The following TSPAN11 variants were observed in gnomAD, a reference collection of about 807,000 sequenced individuals.
TSPAN11 encodes the protein tetraspanin-11.
In TSPAN11, 29 loss-of-function variants were observed where a neutral mutation model predicts 32.9. The ratio of observed to expected loss-of-function variants is 0.88; its 90% CI spans 0.66 to 1.20. TSPAN11 has a LOEUF of 1.20. TSPAN11 is among the 50% of genes most tolerant of loss of function. TSPAN11 has a pLI of 0.00. For missense variants in TSPAN11, 283 were observed against 329.1 expected (o/e 0.86, Z 1.08); for synonymous variants, 140 against 141.3 (o/e 0.99, Z 0.07).
chr12:30,989,214 T>C (rs759994782), intron 7 of TSPAN11, among the ~76,000 whole-genome samples: 1 of 152,194 alleles, frequency 6.6e-6, no homozygotes, highest in Admixed American at 6.5e-5. Context: ...GGTGCTGTGT[T>C]AGCAGGAGTC....
chr12:31,013,341 C>T, the TSPAN11 span, among the ~76,000 whole-genome samples: 2 of 152,030 alleles, frequency 1.3e-5, no homozygotes, highest in Non-Finnish European at 2.9e-5. Context: ...CACCTATAAT[C>T]CCAGAAGTTT....
chr12:30,970,212 C>T (rs1393734262), intron 3 of TSPAN11, among the ~76,000 whole-genome samples: 2 of 152,212 alleles, frequency 1.3e-5, no homozygotes, highest in African/African-American at 2.4e-5. Flanking sequence ...GTTCCCTGTG[C>T]CGTGTCTCCC....
chr12:30,990,603 G>A (rs1184357869), intron 7 of TSPAN11, among the ~76,000 whole-genome samples: 1 of 152,210 alleles, frequency 6.6e-6, no homozygotes, highest in African/African-American at 2.4e-5. Context: ...CTGTCCTCCA[G>A]GTTGGGAGGG....
At chr12:31,004,569 C>T in the TSPAN11 span, among the ~76,000 whole-genome samples, 1 of 152,108 alleles carries the variant, frequency 6.6e-6, no homozygotes, top group Non-Finnish European at 1.5e-5. Flanking sequence ...GGTCCTCTGT[C>T]GCTGTCTGAG....
chr12:30,966,281 AC>A (rs927689994), intron 3 of TSPAN11, among the ~76,000 whole-genome samples: 16 of 152,136 alleles, frequency 1.1e-4, no homozygotes, highest in African/African-American at 3.9e-4. Context: ...TTTGAATGTC[AC>A]TAGGTCACAG....
At position 30,993,780 on chromosome 12, in the gene TSPAN11, GA is replaced by G. The variant is rs1295136598; in HGVS notation, c.*1866del. The G allele has an allele frequency of 6.6e-6, 1 of 152,330 alleles. No homozygotes were observed. Among genetic ancestry groups the G allele is most frequent in the Non-Finnish European group, 1.5e-5 (1 of 68,088 alleles). The allele number at this position is 152,330 out of a possible 1,614,324, so 9.4% of individuals were successfully genotyped here. ...TTACGACAGAGGGAGAGTGGTGAGA[GA>G]GAGAAAGAGGGTACTGGGCTAGAGC... On this transcript the variant is annotated 3_prime_UTR_variant, in exon 8 of 8. Transcript: ENST00000546076.
chr12:30,926,917 C>T, intron 1 of TSPAN11, 121 bp downstream of exon 1: 1 of 1,281,808 alleles, frequency 7.8e-7, no homozygotes, highest in Non-Finnish European at 1.0e-6. Flanking sequence ...CTGTCCCGAG[C>T]TTCCCCCGGG....
At chr12:30,940,771 C>G (rs1365462909) in intron 1 of TSPAN11, among the ~76,000 whole-genome samples, 1 of 152,164 alleles carries the variant, frequency 6.6e-6, no homozygotes, top group East Asian at 1.9e-4. Context: ...TCCCTGACCC[C>G]CAGATCATGC....
chr12:30,951,528 G>A (rs148518277), intron 1 of TSPAN11, among the ~76,000 whole-genome samples: 1 of 152,258 alleles, frequency 6.6e-6, no homozygotes, highest in East Asian at 1.9e-4. Flanking sequence ...GACTTTGGAT[G>A]AATTATTTAA....
chr12:30,980,286 A>G (rs1199762408), intron 5 of TSPAN11, among the ~76,000 whole-genome samples: 1 of 152,202 alleles, frequency 6.6e-6, no homozygotes, highest in Admixed American at 6.5e-5. Context: ...CCTGTTCAAT[A>G]CGGTAGTCAC....
the TSPAN11 span, among the ~76,000 whole-genome samples, chr12:31,004,534 G>A: frequency 6.6e-6 from 1 of 152,140 alleles, no homozygotes; most frequent in Non-Finnish European, 1.5e-5. Flanking sequence ...AACAATCAGG[G>A]GCGCCACTTC....
intron 1 of TSPAN11, among the ~76,000 whole-genome samples, chr12:30,936,991 T>A (rs1482961369): frequency 2.0e-5 from 3 of 152,160 alleles, no homozygotes; most frequent in African/African-American, 7.2e-5. Flanking sequence ...GTCATGATGT[T>A]CAGATCAAGG....
intron 1 of TSPAN11, among the ~76,000 whole-genome samples, chr12:30,942,675 A>G (rs1938189628): frequency 6.6e-6 from 1 of 151,726 alleles, no homozygotes; most frequent in African/African-American, 2.4e-5. Flanking sequence ...TGATGATAGG[A>G]GCAGAGTCCT....
chr12:30,973,121 T>C (rs888501145), intron 3 of TSPAN11, among the ~76,000 whole-genome samples: 1 of 152,188 alleles, frequency 6.6e-6, no homozygotes, highest in Non-Finnish European at 1.5e-5. Context: ...GACAGTACCA[T>C]GCAGCAGGTC....
chr12:30,965,433 C>T (rs1938710331), intron 3 of TSPAN11, among the ~76,000 whole-genome samples: 1 of 151,706 alleles, frequency 6.6e-6, no homozygotes, highest in African/African-American at 2.4e-5. Flanking sequence ...TCTGGACAGC[C>T]CAAGAAAGAA....
At position 30,961,601 on chromosome 12, in the gene TSPAN11, T is replaced by C. The variant is rs931824431; in HGVS notation, c.85-2225T>C. ...CAGGTCTTCCAAAGGAATGAAACCC[T>C]CTCATTCCTTACAGCTAAGCCTAAG... On this transcript the variant is annotated intron_variant, in intron 2 of 7. Transcript: ENST00000546076. Among the ~76,000 whole-genome samples the C allele has an allele frequency of 1.3e-5, 2 of 151,940 alleles. 1 individual carries two copies. The highest frequency in any genetic ancestry group is 4.8e-5 in the African/African-American group (2 of 41,238).
chr12:31,006,124 C>T, the TSPAN11 span: 1 of 152,502 alleles, frequency 6.6e-6, no homozygotes, highest in Non-Finnish European at 1.5e-5. Context: ...AGCCAGAGAG[C>T]TTAGCTGGTG....
chr12:30,981,784 CTT>C (rs1355671181), intron 5 of TSPAN11, among the ~76,000 whole-genome samples: 2 of 152,338 alleles, frequency 1.3e-5, no homozygotes, highest in South Asian at 2.1e-4. Context: ...CTAGCAAACT[CTT>C]GTTAGCTGAA....
chr12:30,928,028 T>A (rs1413224430), intron 1 of TSPAN11, among the ~76,000 whole-genome samples: 8 of 152,142 alleles, frequency 5.3e-5, no homozygotes, highest in African/African-American at 1.7e-4. Flanking sequence ...GGCCCAGAGC[T>A]GTTTGGTTTG....
Sources: gnomAD v4.1 joint callset for allele counts (sites outside exome capture counted in the v4.1 genomes callset) on GRCh38, gnomAD v4.1.1 for gene constraint, MANE v1.5 for transcripts, NCBI Gene and HGNC (gene_info 2026-07-23, HGNC 2026-07-21) for gene names.